The following BTC variants were observed in gnomAD, a reference collection of about 807,000 sequenced individuals.
The protein encoded by BTC is probetacellulin.
A neutral mutation model predicts 18.1 loss-of-function variants in BTC; 13 were observed. The observed-to-expected ratio is 0.72, with a 90% CI of 0.47 to 1.14. The LOEUF is 1.14. BTC is among the 50% of genes most tolerant of loss of function. The pLI, the probability that BTC is intolerant of heterozygous loss-of-function variation, is 0.00. For missense variants in BTC, 247 were observed against 224.2 expected (o/e 1.10, Z -0.65); for synonymous variants, 83 against 79.4 (o/e 1.05, Z -0.24).
intron 1 of BTC, among the ~76,000 whole-genome samples, chr4:74,793,673 T>C (rs771529673): frequency 6.6e-6 from 1 of 152,112 alleles, no homozygotes; most frequent in Non-Finnish European, 1.5e-5. Context: ...AGCTCTGCTT[T>C]GTGAGTTCTG....
rs181042176 is a variant in BTC at position 74,761,032 on chromosome 4, C to T, written c.164-5056G>A. On this transcript the variant is annotated intron_variant, in intron 2 of 5. Transcript: ENST00000395743. Reference sequence around the variant, plus strand: ...TACAGGCGTGAGCCAATGCGCCTGGCCTAGCATGTCTTTTAACTAGGAGGG... The same window carrying T: ...TACAGGCGTGAGCCAATGCGCCTGGTCTAGCATGTCTTTTAACTAGGAGGG... Among the ~76,000 whole-genome samples, 485 of 152,184 alleles carry T rather than the reference C, an allele frequency of 3.2e-3. 1 individual carries two copies. The highest frequency in any genetic ancestry group is 0.011 in the African/African-American group (453 of 41,522).
At chr4:74,759,599 T>G (rs1553957082) in intron 2 of BTC, among the ~76,000 whole-genome samples, 1 of 151,808 alleles carries the variant, frequency 6.6e-6, no homozygotes, top group African/African-American at 2.4e-5. Context: ...AAATGTCACT[T>G]TAATGGAGAT....
chr4:74,774,867 C>A (rs1329928653), intron 1 of BTC, among the ~76,000 whole-genome samples: 1 of 151,790 alleles, frequency 6.6e-6, no homozygotes, highest in Non-Finnish European at 1.5e-5. Context: ...ACTTTAATAT[C>A]AGCATGGGTG....
At chr4:74,775,605 T>C (rs924482855) in intron 1 of BTC, among the ~76,000 whole-genome samples, 1 of 152,180 alleles carries the variant, frequency 6.6e-6, no homozygotes, top group Admixed American at 6.5e-5. Context: ...TTCAATCTCT[T>C]CCGAAATATG....
intron 1 of BTC, among the ~76,000 whole-genome samples, chr4:74,781,966 A>G (rs1045441219): frequency 3.3e-5 from 5 of 152,072 alleles, no homozygotes; most frequent in Admixed American, 3.3e-4. Flanking sequence ...TCTTTTTTGT[A>G]ATGTCACATA....
Position 74,794,204 on chromosome 4 carries a change from C to T in BTC, c.64+58G>A, listed in dbSNP as rs974742195. The T allele has an allele frequency of 3.4e-5, 52 of 1,546,234 alleles. No homozygotes were observed. In the African/African-American group the frequency reaches 6.0e-4, roughly 18 times the overall value. The stretch of plus-strand genomic sequence containing the variant: ...CAGCTCGGTTCAGGGTTCGCCCTCC[C>T]CGCGACTCCAGCCCCAGACTTTCCT... On this transcript the variant is annotated intron_variant, in intron 1 of 5. Coordinates refer to ENST00000395743, the MANE Select transcript of BTC (RefSeq NM_001729.4).
intron 1 of BTC, among the ~76,000 whole-genome samples, chr4:74,787,776 C>A (rs988591316): frequency 6.6e-6 from 1 of 152,158 alleles, no homozygotes; most frequent in African/African-American, 2.4e-5. Context: ...AGTGTTAGTT[C>A]CCACATACGT....
chr4:74,753,990 A>T (rs1553956462), intron 3 of BTC, among the ~76,000 whole-genome samples: 1 of 152,170 alleles, frequency 6.6e-6, no homozygotes, highest in Non-Finnish European at 1.5e-5. Flanking sequence ...TCACCACTTG[A>T]CTGGACAGTA....
chr4:74,784,066 C>T (rs1288974614), intron 1 of BTC, among the ~76,000 whole-genome samples: 3 of 151,740 alleles, frequency 2.0e-5, no homozygotes, highest in Non-Finnish European at 4.4e-5. Flanking sequence ...AACCCTGTCT[C>T]TACTAAAATA....
At position 74,746,240 on chromosome 4, in the gene BTC, G is replaced by T. The variant is rs1258240322; in HGVS notation, c.*437C>A. The stretch of plus-strand genomic sequence containing the variant: ...CCCTGTTTCCATATGTAGGAAATGA[G>T]GATTATAATAGCTATCTCATGGATT... On this transcript the variant is annotated 3_prime_UTR_variant, in exon 6 of 6. Coordinates refer to ENST00000395743, the MANE Select transcript of BTC (RefSeq NM_001729.4). The T allele has an allele frequency of 2.0e-5, 3 of 152,120 alleles. No homozygotes were observed. The highest frequency in any genetic ancestry group is 4.4e-5 in the Non-Finnish European group (3 of 68,012). 9.4% of individuals were successfully genotyped at this position (152,120 alleles called of 1,614,324 possible).
chr4:74,787,747 A>G (rs945496192), intron 1 of BTC, among the ~76,000 whole-genome samples: 21 of 152,208 alleles, frequency 1.4e-4, no homozygotes, highest in Non-Finnish European at 7.3e-5. Context: ...TGTTTTAGGG[A>G]AGCTACTTAA....
intron 1 of BTC, among the ~76,000 whole-genome samples, chr4:74,793,070 A>T (rs571138555): frequency 4.6e-5 from 7 of 152,250 alleles, no homozygotes; most frequent in Non-Finnish European, 1.0e-4. Flanking sequence ...AATGTCAGCT[A>T]CTTGCAAGCA....
chr4:74,786,750 C>T (rs773323171), intron 1 of BTC, among the ~76,000 whole-genome samples: 7 of 152,204 alleles, frequency 4.6e-5, no homozygotes, highest in East Asian at 1.9e-4. Flanking sequence ...GTTTACATTT[C>T]GACCAGTAAA....
chr4:74,766,656 C>A (rs1724910307), intron 2 of BTC, among the ~76,000 whole-genome samples: 1 of 151,986 alleles, frequency 6.6e-6, no homozygotes, highest in African/African-American at 2.4e-5. Flanking sequence ...CCAGATGCCT[C>A]CACTAGTGAA....
chr4:74,747,619 T>C (rs1323747398), intron 5 of BTC, among the ~76,000 whole-genome samples: 1 of 152,196 alleles, frequency 6.6e-6, no homozygotes, highest in Admixed American at 6.5e-5. Context: ...TCTGAGAAGA[T>C]TTGTGATTCC....
chr4:74,794,496 G>A lies in BTC; in HGVS notation c.-171C>T, dbSNP rs896592627. On this transcript the variant is annotated 5_prime_UTR_variant, in exon 1 of 6. Transcript: ENST00000395743. ...TGGCTACAAGGCAGGGAAACACCCA[G>A]GGCGGGAGGCCGGCCGGCTCCGTGA... 6.7e-6 allele frequency: 5 copies of A among 746,432 alleles called. No individual in the cohort carries two copies. Among genetic ancestry groups the A allele is most frequent in the Non-Finnish European group, 1.0e-5 (5 of 482,238 alleles). The allele number at this position is 746,432 out of a possible 1,614,324, so 46.2% of individuals were successfully genotyped here. A position where few individuals can be genotyped will look rare whatever the true frequency, so the allele number is the denominator to read the frequency against.
intron 1 of BTC, among the ~76,000 whole-genome samples, chr4:74,784,632 G>A (rs1483594609): frequency 1.3e-5 from 2 of 152,142 alleles, no homozygotes; most frequent in African/African-American, 2.4e-5. Flanking sequence ...TTTTTAACAC[G>A]AAGGGATGTT....
intron 2 of BTC, among the ~76,000 whole-genome samples, chr4:74,759,115 A>C (rs922605956): frequency 2.6e-5 from 4 of 152,146 alleles, no homozygotes; most frequent in Non-Finnish European, 5.9e-5. Flanking sequence ...CTAAATATTG[A>C]ACTATGGAAC....
chr4:74,751,223 TAGAG>T (rs1724452079), intron 3 of BTC, among the ~76,000 whole-genome samples: 2 of 152,340 alleles, frequency 1.3e-5, no homozygotes, highest in South Asian at 2.1e-4. Context: ...AAACGTTAGA[TAGAG>T]AGAATGTTCC....
Sources: allele counts gnomAD v4.1 joint callset (sites outside exome capture counted in the v4.1 genomes callset), GRCh38; gene constraint gnomAD v4.1.1; transcripts MANE v1.5; gene names NCBI Gene and HGNC (gene_info 2026-07-23, HGNC 2026-07-21).